Variants in GADL1 observed in about 807,000 individuals in gnomAD.
GADL1 encodes acidic amino acid decarboxylase GADL1.
GADL1 carries 71 observed loss-of-function variants against 69.5 expected under a neutral mutation model. That is an observed-to-expected ratio of 1.02 (90% CI 0.84 to 1.25). The LOEUF (loss-of-function observed/expected upper bound fraction) is 1.25. Among genes scored for constraint, GADL1 ranks in the 50% most tolerant of loss-of-function variants. The probability of loss-of-function intolerance (pLI) is 0.00; values close to 1 mark genes in which losing one functional copy is unlikely to be tolerated. For synonymous variants in GADL1, 254 were observed against 214.4 expected (o/e 1.18, Z -1.62); for missense variants, 737 against 631.8 (o/e 1.17, Z -1.79).
intron 11 of GADL1, among the ~76,000 whole-genome samples, chr3:30,807,129 T>A (rs1005908571): frequency 6.6e-6 from 1 of 152,194 alleles, no homozygotes; most frequent in African/African-American, 2.4e-5. Flanking sequence ...TAATGTTAAC[T>A]GGGAATACTC....
chr3:30,888,414 G>T (rs1370398569), intron 1 of GADL1, among the ~76,000 whole-genome samples: 2 of 152,174 alleles, frequency 1.3e-5, no homozygotes, highest in Non-Finnish European at 2.9e-5. Context: ...AATCACCATC[G>T]TGGAGTTGCG....
chr3:30,762,335 A>G (rs1192663134), intron 14 of GADL1, among the ~76,000 whole-genome samples: 1 of 152,226 alleles, frequency 6.6e-6, no homozygotes, highest in Non-Finnish European at 1.5e-5. Context: ...GTAGTTCAAT[A>G]TATAAGGGTC....
At position 30,778,163 on chromosome 3, in the gene GADL1, TTTACTTA is replaced by T. The variant is rs11278928; in HGVS notation, c.1392+9_1392+15del. 57,174 of 1,439,026 alleles carry T rather than the reference TTTACTTA, an allele frequency of 0.04. 3,071 individuals carry two copies. The highest frequency in any genetic ancestry group is 0.19 in the South Asian group (16,846 of 87,376). 89.1% of individuals were successfully genotyped at this position (1,439,026 alleles called of 1,614,324 possible). Reference sequence around the variant, plus strand: ...TACTTCATCAAAAAGAAAAATACCATTTACTTATTACTTACCAAATTAAGTTTTGCCC... The same window carrying T: ...TACTTCATCAAAAAGAAAAATACCATTTACTTACCAAATTAAGTTTTGCCC... On this transcript the variant is annotated intron_variant, in intron 14 of 14. Coordinates refer to ENST00000282538, the MANE Select transcript of GADL1 (RefSeq NM_207359.3).
chr3:30,857,227 A>G, intron 2 of GADL1, 86 bp from the exon 3 acceptor site: 1 of 1,155,496 alleles, frequency 8.7e-7, no homozygotes, highest in Non-Finnish European at 1.2e-6. Flanking sequence ...TACCATTACA[A>G]AGCTTCTGGG....
intron 11 of GADL1, among the ~76,000 whole-genome samples, chr3:30,808,298 C>A (rs1034810285): frequency 6.6e-6 from 1 of 151,982 alleles, no homozygotes; most frequent in Admixed American, 6.6e-5. Flanking sequence ...GAGTTGGAGA[C>A]CAGCCTGACC....
intron 11 of GADL1, among the ~76,000 whole-genome samples, chr3:30,823,092 C>T (rs1575221580): frequency 6.6e-6 from 1 of 151,950 alleles, no homozygotes; most frequent in African/African-American, 2.4e-5. Flanking sequence ...AATATAAAAA[C>T]TGCATCTAAT....
chr3:30,791,143 A>G (rs1696904114), intron 12 of GADL1, among the ~76,000 whole-genome samples: 1 of 152,174 alleles, frequency 6.6e-6, no homozygotes, highest in Non-Finnish European at 1.5e-5. Context: ...TCAAAGTTTC[A>G]TACATGTGGT....
intron 8 of GADL1, among the ~76,000 whole-genome samples, chr3:30,842,936 C>T (rs2125528039): frequency 6.7e-6 from 1 of 150,372 alleles, no homozygotes; most frequent in South Asian, 2.1e-4. Flanking sequence ...TAGCATTCTC[C>T]AGGACTAGGT....
intron 1 of GADL1, among the ~76,000 whole-genome samples, chr3:30,888,790 G>T (rs74980488): frequency 0.017 from 2,572 of 152,014 alleles, 35 homozygotes; most frequent in Admixed American, 0.028. Context: ...GACTGAAAAA[G>T]AGTTCCCTAC....
intron 11 of GADL1, 23 bp downstream of exon 11, chr3:30,833,830 A>AG (rs1356147041): frequency 1.9e-6 from 3 of 1,569,928 alleles, no homozygotes; most frequent in Admixed American, 3.3e-5. Flanking sequence ...TGAAGCCCAA[A>AG]GGACCACAAG....
intron 1 of GADL1, among the ~76,000 whole-genome samples, chr3:30,880,247 T>C (rs1049519510): frequency 6.6e-6 from 1 of 151,944 alleles, no homozygotes; most frequent in Non-Finnish European, 1.5e-5. Flanking sequence ...TTAAGTATTG[T>C]AAGTAATCTA....
chr3:30,844,154 C>A (rs577375871), intron 8 of GADL1, 56 bp downstream of exon 8: 15 of 1,355,240 alleles, frequency 1.1e-5, no homozygotes, highest in South Asian at 2.6e-5. Flanking sequence ...CATAAGCGCG[C>A]GGGCGTGCGC....
chr3:30,787,066 A>G (rs1696809117), intron 12 of GADL1, among the ~76,000 whole-genome samples: 1 of 152,132 alleles, frequency 6.6e-6, no homozygotes, highest in Non-Finnish European at 1.5e-5. Flanking sequence ...AGGGGAGAGT[A>G]TTAGGGAAAA....
At chr3:30,838,871 C>A in intron 9 of GADL1, 126 bp downstream of exon 9, 2 of 584,128 alleles carry the variant, frequency 3.4e-6, no homozygotes, top group East Asian at 3.2e-5. Context: ...ACTTATTTCC[C>A]CCAATTTGAG....
chr3:30,799,631 A>G (rs917195425), intron 12 of GADL1: 4 of 152,174 alleles, frequency 2.6e-5, no homozygotes, highest in Non-Finnish European at 4.4e-5. Context: ...TTCTGCAGCT[A>G]GCTTGAATTT....
intron 14 of GADL1, among the ~76,000 whole-genome samples, chr3:30,749,982 C>T (rs898629220): frequency 6.6e-6 from 1 of 152,118 alleles, no homozygotes. Flanking sequence ...AGGTTTTGTA[C>T]TTTAGACAAA....
intron 1 of GADL1, among the ~76,000 whole-genome samples, chr3:30,883,965 G>A (rs543867030): frequency 3.3e-5 from 5 of 152,014 alleles, no homozygotes; most frequent in African/African-American, 1.2e-4. Flanking sequence ...AGAGAGCTGT[G>A]GAAAGACAAC....
intron 11 of GADL1, among the ~76,000 whole-genome samples, chr3:30,812,676 G>C (rs890388893): frequency 1.3e-5 from 2 of 152,172 alleles, no homozygotes; most frequent in African/African-American, 4.8e-5. Flanking sequence ...TATGGAAGAA[G>C]AAAAACTTGT....
intron 14 of GADL1, among the ~76,000 whole-genome samples, chr3:30,742,610 T>C (rs1695643439): frequency 6.6e-6 from 1 of 152,128 alleles, no homozygotes. Flanking sequence ...AGGTCTTTTC[T>C]GGTCATTATA....
Sources: gnomAD v4.1 joint callset for allele counts (sites outside exome capture counted in the v4.1 genomes callset) on GRCh38, gnomAD v4.1.1 for gene constraint, MANE v1.5 for transcripts, NCBI Gene and HGNC (gene_info 2026-07-23, HGNC 2026-07-21) for gene names.